Variants in SGCZ observed in about 807,000 individuals in gnomAD.
The protein encoded by SGCZ is sarcoglycan zeta.
Under a neutral mutation model 41.3 loss-of-function variants are expected in SGCZ, and 40 were observed. That is an observed-to-expected ratio of 0.97 (90% CI 0.75 to 1.26). The LOEUF is 1.26. SGCZ is among the 50% of genes most tolerant of loss of function. The pLI is 0.00. For synonymous variants in SGCZ, 206 were observed against 137.5 expected (o/e 1.50, Z -3.49); for missense variants, 552 against 369.8 (o/e 1.49, Z -4.04).
chr8:15,058,702 C>T (rs2131006572), intron 1 of SGCZ, among the ~76,000 whole-genome samples: 1 of 152,280 alleles, frequency 6.6e-6, no homozygotes, highest in Non-Finnish European at 1.5e-5. Flanking sequence ...CTAGGATATC[C>T]TGTCAACACT....
chr8:14,555,622 A>G (rs1473315590), intron 1 of SGCZ, among the ~76,000 whole-genome samples: 1 of 152,034 alleles, frequency 6.6e-6, no homozygotes, highest in Non-Finnish European at 1.5e-5. Flanking sequence ...ATATTTTTTT[A>G]TACCAGAGCA....
At chr8:14,303,990 G>C (rs1290001781) in intron 3 of SGCZ, among the ~76,000 whole-genome samples, 1 of 152,036 alleles carries the variant, frequency 6.6e-6, no homozygotes, top group East Asian at 2.0e-4. Flanking sequence ...GACCTCAAGT[G>C]ATACTCCTGC....
chr8:14,479,787 A>C (rs73188292), intron 2 of SGCZ, among the ~76,000 whole-genome samples: 2,774 of 130,888 alleles, frequency 0.021, 39 homozygotes, highest in East Asian at 0.091. Flanking sequence ...TAGCTCTTGC[A>C]GTGCTTGGAG....
At chr8:14,737,944 T>A (rs1799094360) in intron 1 of SGCZ, among the ~76,000 whole-genome samples, 1 of 152,102 alleles carries the variant, frequency 6.6e-6, no homozygotes, top group African/African-American at 2.4e-5. Flanking sequence ...AGCCAACCTC[T>A]TAGATATAGT....
chr8:14,321,423 G>C lies in SGCZ; in HGVS notation c.336+2680C>G, dbSNP rs373889378. Among the ~76,000 whole-genome samples, 18 of 152,122 alleles carry C rather than the reference G, an allele frequency of 1.2e-4. No homozygotes were observed. The East Asian group carries it at 1.7e-3, about 15-fold the overall frequency. ...GAGAGGAGCTTGTAAAGTTGGCCCA[G>C]CCCATAGTTGATTAGGTTAGGTGGC... On this transcript the variant is annotated intron_variant, in intron 3 of 7. Transcript: ENST00000382080.
chr8:14,617,576 T>C (rs974943532), intron 1 of SGCZ, among the ~76,000 whole-genome samples: 7 of 152,206 alleles, frequency 4.6e-5, no homozygotes, highest in Admixed American at 1.3e-4. Flanking sequence ...TTCTAAGCTT[T>C]GCACAGTCCT....
chr8:15,047,414 A>G (rs887497492), intron 1 of SGCZ, among the ~76,000 whole-genome samples: 1 of 152,076 alleles, frequency 6.6e-6, no homozygotes, highest in Non-Finnish European at 1.5e-5. Flanking sequence ...TCTTTTCTGT[A>G]GAACTTCATA....
intron 2 of SGCZ, among the ~76,000 whole-genome samples, chr8:14,553,045 G>A (rs139417703): frequency 6.6e-6 from 1 of 151,984 alleles, no homozygotes; most frequent in Non-Finnish European, 1.5e-5. Flanking sequence ...GGCTGAAAAT[G>A]TTTTCAGCAA....
At chr8:14,604,131 T>C (rs1805674349) in intron 1 of SGCZ, among the ~76,000 whole-genome samples, 1 of 152,096 alleles carries the variant, frequency 6.6e-6, no homozygotes, top group African/African-American at 2.4e-5. Flanking sequence ...TATTTTAACA[T>C]GAAAAAACAC....
At chr8:15,137,902 A>G (rs561840285) in intron 1 of SGCZ, among the ~76,000 whole-genome samples, 52 of 152,268 alleles carry the variant, frequency 3.4e-4, no homozygotes, top group African/African-American at 1.1e-3. Context: ...GAAGAGGGCC[A>G]CCGTCCTCCA....
intron 1 of SGCZ, among the ~76,000 whole-genome samples, chr8:14,957,732 T>C (rs904491013): frequency 3.9e-5 from 6 of 152,082 alleles, no homozygotes; most frequent in African/African-American, 1.4e-4. Context: ...AATTCAATGT[T>C]ACGTATTGTG....
At chr8:15,152,287 G>C (rs1563153278) in intron 1 of SGCZ, among the ~76,000 whole-genome samples, 1 of 152,098 alleles carries the variant, frequency 6.6e-6, no homozygotes, top group Non-Finnish European at 1.5e-5. Context: ...TGAACTAAGG[G>C]TCAGAAAAAA....
chr8:14,214,404 G>A (rs1160667943), intron 4 of SGCZ, among the ~76,000 whole-genome samples: 1 of 152,030 alleles, frequency 6.6e-6, no homozygotes, highest in African/African-American at 2.4e-5. Flanking sequence ...AAAACCTCAG[G>A]AAATTTGAAT....
intron 1 of SGCZ, among the ~76,000 whole-genome samples, chr8:14,611,403 T>C (rs1409883722): frequency 6.6e-6 from 1 of 152,160 alleles, no homozygotes; most frequent in Non-Finnish European, 1.5e-5. Context: ...TTTTAGAGAT[T>C]ATGGCTTTCT....
intron 5 of SGCZ, among the ~76,000 whole-genome samples, chr8:14,112,643 T>C (rs1246858191): frequency 1.3e-5 from 2 of 152,146 alleles, no homozygotes; most frequent in African/African-American, 4.8e-5. Context: ...AATAGACTTG[T>C]CTTATTCCCA....
intron 2 of SGCZ, among the ~76,000 whole-genome samples, chr8:14,526,218 T>G (rs1457602726): frequency 6.6e-6 from 1 of 152,134 alleles, no homozygotes. Context: ...GTGTAATATT[T>G]GACAGCAATG....
chr8:14,865,619 G>A (rs1010041550), intron 1 of SGCZ, among the ~76,000 whole-genome samples: 1 of 152,108 alleles, frequency 6.6e-6, no homozygotes, highest in Non-Finnish European at 1.5e-5. Flanking sequence ...AAGCAATGAT[G>A]TTCATGGGAT....
At chr8:15,012,105 A>G (rs553441319) in intron 1 of SGCZ, among the ~76,000 whole-genome samples, 2 of 152,182 alleles carry the variant, frequency 1.3e-5, no homozygotes, top group Non-Finnish European at 2.9e-5. Flanking sequence ...TGAATTGAAC[A>G]ATATTTTCTG....
intron 1 of SGCZ, among the ~76,000 whole-genome samples, chr8:14,845,266 T>C (rs1196080863): frequency 2.0e-5 from 3 of 152,182 alleles, no homozygotes; most frequent in East Asian, 3.9e-4. Context: ...GTCTCAGTAG[T>C]AGGGAATAAT....
Sources: gnomAD v4.1 joint callset for allele counts (sites outside exome capture counted in the v4.1 genomes callset) on GRCh38, gnomAD v4.1.1 for gene constraint, MANE v1.5 for transcripts, NCBI Gene and HGNC (gene_info 2026-07-23, HGNC 2026-07-21) for gene names.